The following RNF19B variants were observed in gnomAD, a reference collection of about 807,000 sequenced individuals.
The protein encoded by RNF19B is ring finger protein 19B.
Under a neutral mutation model 65.5 loss-of-function variants are expected in RNF19B, and 23 were observed. That is an observed-to-expected ratio of 0.35 (90% CI 0.25 to 0.50). The LOEUF (loss-of-function observed/expected upper bound fraction) is 0.50. Ranked by LOEUF, RNF19B falls within the 20% of genes least tolerant of loss-of-function variation. The pLI is 0.98. For missense variants in RNF19B, 794 were observed against 980.0 expected (o/e 0.81, Z 2.53); for synonymous variants, 372 against 379.6 (o/e 0.98, Z 0.23).
intron 1 of RNF19B, 102 bp downstream of exon 1, chr1:32,963,949 G>T (rs1007043307): frequency 1.5e-6 from 2 of 1,349,962 alleles, no homozygotes; most frequent in Non-Finnish European, 1.9e-6. Flanking sequence ...CTGCCGCCTT[G>T]CGGGTTTCCC....
At chr1:32,960,635 TAAAAC>T (rs1642747413) in intron 1 of RNF19B, among the ~76,000 whole-genome samples, 1 of 151,720 alleles carries the variant, frequency 6.6e-6, no homozygotes, top group African/African-American at 2.4e-5. Context: ...ACTCTGTCTC[TAAAAC>T]AAAACAAAAC....
At chr1:32,958,791 A>G (rs1642703166) in intron 1 of RNF19B, among the ~76,000 whole-genome samples, 1 of 152,198 alleles carries the variant, frequency 6.6e-6, no homozygotes, top group African/African-American at 2.4e-5. Flanking sequence ...AAGTTCTCAA[A>G]GACATAATAA....
At chr1:32,945,282 T>C (rs1371955652) in intron 5 of RNF19B, among the ~76,000 whole-genome samples, 1 of 152,246 alleles carries the variant, frequency 6.6e-6, no homozygotes, top group Non-Finnish European at 1.5e-5. Flanking sequence ...CAACCTTTTC[T>C]ATGTGCCAAA....
chr1:32,950,953 C>A (rs1465187293), intron 1 of RNF19B, among the ~76,000 whole-genome samples: 2 of 151,956 alleles, frequency 1.3e-5, no homozygotes, highest in Admixed American at 1.3e-4. Flanking sequence ...GATTCTCCTG[C>A]CTCAGCCTCC....
At chr1:32,941,504 C>T (rs1570084480) in intron 7 of RNF19B, among the ~76,000 whole-genome samples, 1 of 152,128 alleles carries the variant, frequency 6.6e-6, no homozygotes, top group East Asian at 1.9e-4. Flanking sequence ...TGCACCATTG[C>T]ACTCCAGCCT....
In RNF19B at chr1:32,964,148, C is replaced by A. The variant is rs1237716183; in HGVS notation, c.538G>T (p.Ala180Ser). The change falls in exon 1 of 9, where the codon GCC becomes TCC. Residue 180 changes from alanine (A) to serine (S), a missense_variant. By Grantham distance (99) the Ala-to-Ser change is moderately conservative. Coordinates refer to ENST00000235150, the MANE Select transcript of RNF19B (RefSeq NM_001300826.2). The surrounding 1 kb of genome is among the most constrained non-coding windows in gnomAD (Gnocchi z 6.5). ...TACTTGTGCATAAGCGGCGGGTCGGCGAGCAGCAAGCGGATGTCGTGCGGG... is the reference window on the plus strand; with the variant it reads ...TACTTGTGCATAAGCGGCGGGTCGGAGAGCAGCAAGCGGATGTCGTGCGGG... ...LNPHDIRLLL[A>S]DPPLMHKYEE... 1 of 1,544,066 alleles carries A rather than the reference C, an allele frequency of 6.5e-7. No individual in the cohort carries two copies. Among genetic ancestry groups the A allele is most frequent in the Admixed American group, 2.0e-5 (1 of 50,404 alleles).
intron 6 of RNF19B, 105 bp downstream of exon 6, chr1:32,943,914 T>A: frequency 8.6e-7 from 1 of 1,167,108 alleles, no homozygotes. Flanking sequence ...AAGCTCATTA[T>A]CCAAAGTAAT....
chr1:32,955,966 A>AT (rs1002414394), intron 1 of RNF19B, among the ~76,000 whole-genome samples: 2 of 152,186 alleles, frequency 1.3e-5, no homozygotes, highest in Non-Finnish European at 2.9e-5. Flanking sequence ...GCAGTGGCTC[A>AT]TGCCCATAAC....
intron 7 of RNF19B, among the ~76,000 whole-genome samples, chr1:32,941,040 G>A (rs1358487979): frequency 3.3e-5 from 5 of 152,024 alleles, no homozygotes; most frequent in East Asian, 3.9e-4. Context: ...CTGGGTAACC[G>A]AGCAAGACCC....
In RNF19B at chr1:32,944,014, T is replaced by C. The variant is rs760505150; in HGVS notation, c.1402+5A>G. On this transcript the variant is annotated splice_donor_5th_base_variant and intron_variant, in intron 6 of 8. Transcript: ENST00000235150. The stretch of plus-strand genomic sequence containing the variant: ...TCAAATGGAAATAAACATCCTGCTT[T>C]TTACCTGTGATTGGACCATCATCTT... 122 of 1,598,478 alleles carry C rather than the reference T, an allele frequency of 7.6e-5. No individual in the cohort carries two copies. The highest frequency in any genetic ancestry group is 9.7e-5 in the Non-Finnish European group (114 of 1,169,970).
At chr1:32,935,053 A>C (rs1246769561), downstream of RNF19B, among the ~76,000 whole-genome samples, 1 of 151,726 alleles carries the variant, frequency 6.6e-6, no homozygotes, top group Admixed American at 6.6e-5. Flanking sequence ...GATGGTCTTG[A>C]TCTCCTGACC....
chr1:32,938,714 C>A (rs1292782143), intron 7 of RNF19B, among the ~76,000 whole-genome samples, 186 bp from the exon 8 acceptor site: 3 of 152,142 alleles, frequency 2.0e-5, no homozygotes, highest in Non-Finnish European at 4.4e-5. Context: ...TTGAAATCGT[C>A]CCCTCCTTTC....
intron 1 of RNF19B, among the ~76,000 whole-genome samples, chr1:32,956,898 T>C (rs1283941164): frequency 2.0e-5 from 3 of 152,122 alleles, no homozygotes; most frequent in East Asian, 1.9e-4. Context: ...ATCAGGGTGG[T>C]AGACATGCGC....
intron 1 of RNF19B, among the ~76,000 whole-genome samples, chr1:32,960,251 G>A (rs1049988446): frequency 6.6e-6 from 1 of 152,150 alleles, no homozygotes; most frequent in Non-Finnish European, 1.5e-5. Context: ...TAAAACTAAT[G>A]ATCAGAACCT....
intron 5 of RNF19B, among the ~76,000 whole-genome samples, chr1:32,944,790 G>A (rs886433387): frequency 4.6e-5 from 7 of 151,842 alleles, no homozygotes; most frequent in African/African-American, 1.7e-4. Context: ...CCAGGTTCAC[G>A]CCATTCTCCT....
chr1:32,954,960 C>A (rs188834927), intron 1 of RNF19B, among the ~76,000 whole-genome samples: 4 of 152,168 alleles, frequency 2.6e-5, no homozygotes, highest in African/African-American at 4.8e-5. Context: ...TACTTCTTGC[C>A]CTGACAAGTA....
At chr1:32,930,392 G>A in the RNF19B span, among the ~76,000 whole-genome samples, 1 of 148,194 alleles carries the variant, frequency 6.7e-6, no homozygotes, top group East Asian at 2.0e-4. Flanking sequence ...TTACAGGTAT[G>A]AGCCACCATG....
chr1:32,947,944 A>T (rs1207844716), intron 3 of RNF19B, among the ~76,000 whole-genome samples: 1 of 152,192 alleles, frequency 6.6e-6, no homozygotes, highest in African/African-American at 2.4e-5. Context: ...GAAGGTAGGC[A>T]GAAAGCATTC....
chr1:32,938,140 C>CAAAAAAACAAAAAAAA (rs1642147940), intron 8 of RNF19B, among the ~76,000 whole-genome samples: 1 of 46,044 alleles, frequency 2.2e-5, no homozygotes, highest in East Asian at 6.7e-4. Context: ...CCAAGAAAGA[C>CAAAAAAACAAAAAAAA]AAAAAAAAAA....
Sources: gnomAD v4.1 joint callset for allele counts (sites outside exome capture counted in the v4.1 genomes callset) on GRCh38, gnomAD v4.1.1 for gene constraint, Gnocchi (gnomAD v3.1) non-coding constraint, MANE v1.5 for transcripts, NCBI Gene and HGNC (gene_info 2026-07-23, HGNC 2026-07-21) for gene names.